CUL4A: variants seen among roughly 807,000 people sequenced by gnomAD.
CUL4A encodes cullin 4A.
In CUL4A, 16 loss-of-function variants were observed where a neutral mutation model predicts 95.5. The ratio of observed to expected loss-of-function variants is 0.17; its 90% confidence interval spans 0.11 to 0.25. CUL4A has a LOEUF of 0.25. CUL4A is among the 10% of genes least tolerant of loss of function. The pLI is 1.00. For synonymous variants in CUL4A, 380 were observed against 353.1 expected (o/e 1.08, Z -0.85); for missense variants, 610 against 937.0 (o/e 0.65, Z 4.56).
chr13:113,219,526 G>T, intron 3 of CUL4A: 1 of 155,230 alleles, frequency 6.4e-6, no homozygotes, highest in Non-Finnish European at 1.4e-5. Flanking sequence ...AGCACGGGCA[G>T]GCAGTTGGCG....
At chr13:113,226,807 G>A (rs1485502497) in intron 3 of CUL4A, among the ~76,000 whole-genome samples, 1 of 152,168 alleles carries the variant, frequency 6.6e-6, no homozygotes, top group Non-Finnish European at 1.5e-5. Context: ...GATTACTTAA[G>A]ACCACGTGTT....
Position 113,227,992 on chromosome 13 carries a change from G to C in CUL4A, c.385G>C (p.Val129Leu), listed in dbSNP as rs1285908061. ...GATCTGTACAGACTCACTAGATAGT[G>C]TTTTATTTTTAAAGAAGATTAACAC... Reference protein sequence around the residue: ...LPFREDSLDSVLFLKKINTCW... With the variant: ...LPFREDSLDSLLFLKKINTCW... The change falls in exon 4 of 20, where the codon GTT (valine) becomes CTT (leucine). Residue 129 changes from valine to leucine, a missense_variant. Val to Leu is a conservative substitution (Grantham distance 32). Coordinates refer to ENST00000375440, the MANE Select transcript of CUL4A (RefSeq NM_001008895.4). The C allele has an allele frequency of 6.2e-7, 1 of 1,611,744 alleles. No homozygotes were observed. Among genetic ancestry groups the C allele is most frequent in the Non-Finnish European group, 8.5e-7 (1 of 1,177,862 alleles).
At chr13:113,236,762 C>T (rs2041559177) in intron 8 of CUL4A, 61 bp from the exon 9 acceptor site, 3 of 1,146,348 alleles carry the variant, frequency 2.6e-6, no homozygotes, top group Non-Finnish European at 3.9e-6. Context: ...CCATCTTTTG[C>T]AGAGAACCAG....
intron 18 of CUL4A, among the ~76,000 whole-genome samples, chr13:113,256,073 A>G (rs905486682): frequency 7.9e-5 from 12 of 151,964 alleles, no homozygotes; most frequent in Non-Finnish European, 1.6e-4. Flanking sequence ...AGTGACATGC[A>G]CCCATAGTCT....
chr13:113,245,441 G>T (rs1022109899), intron 14 of CUL4A, among the ~76,000 whole-genome samples: 1 of 152,064 alleles, frequency 6.6e-6, no homozygotes, highest in Non-Finnish European at 1.5e-5. Context: ...CTAGCTACTG[G>T]GGTAGGGCTG....
At chr13:113,236,160 C>T (rs2041537095) in intron 8 of CUL4A, among the ~76,000 whole-genome samples, 1 of 151,926 alleles carries the variant, frequency 6.6e-6, no homozygotes, top group Non-Finnish European at 1.5e-5. Flanking sequence ...TGACAGAATC[C>T]AGCACAAAAA....
Position 113,254,762 on chromosome 13 carries a change from T to G in CUL4A, c.1822T>G (p.Phe608Val), listed in dbSNP as rs1405427649. Residue 608 changes from phenylalanine (F) to valine (V), a missense_variant, in exon 17 of 20, where the codon TTC becomes GTC. Physicochemically the swap from Phe to Val is conservative, Grantham distance 50. Coordinates refer to ENST00000375440, the MANE Select transcript of CUL4A (RefSeq NM_001008895.4). ...VLLMFNEGDG[F>V]SFEEIKMATG... ...CCTCATGTTCAACGAGGGAGATGGC[T>G]TCAGCTTTGAGGAGATAAAAATGGC... The G allele has an allele frequency of 3.1e-6, 5 of 1,613,610 alleles. No homozygotes were observed. The highest frequency in any genetic ancestry group is 4.2e-6 in the Non-Finnish European group (5 of 1,179,876).
intron 2 of CUL4A, among the ~76,000 whole-genome samples, chr13:113,216,736 G>A (rs1488377697): frequency 6.6e-6 from 1 of 152,226 alleles, no homozygotes; most frequent in Non-Finnish European, 1.5e-5. Context: ...GGCAACTCCT[G>A]TGTTGTGCTG....
chr13:113,211,577 G>T (rs2040446932), intron 2 of CUL4A, among the ~76,000 whole-genome samples: 1 of 152,154 alleles, frequency 6.6e-6, no homozygotes, highest in Non-Finnish European at 1.5e-5. Flanking sequence ...TAGAGTCGGG[G>T]TTTCGCCATG....
rs566524752 is a variant in CUL4A at position 113,238,808 on chromosome 13, A to ATGAC, written c.917-622_917-619dup. 2.4e-3 allele frequency among the ~76,000 whole-genome samples: 372 copies of ATGAC among 152,302 alleles called. 3 individuals are homozygous for ATGAC. The highest frequency in any genetic ancestry group is 8.2e-3 in the African/African-American group (341 of 41,552). On this transcript the variant is annotated intron_variant, in intron 9 of 19. Coordinates refer to ENST00000375440, the MANE Select transcript of CUL4A (RefSeq NM_001008895.4). ...CAGAATCTGAGACTTTGTGAATTGTATGACTGTTCACCATTTTATGCTTTA... is the reference window on the plus strand; with the variant it reads ...CAGAATCTGAGACTTTGTGAATTGTATGACTGACTGTTCACCATTTTATGCTTTA...
chr13:113,210,143 C>G, intron 2 of CUL4A, 55 bp downstream of exon 2: 1 of 1,219,902 alleles, frequency 8.2e-7, no homozygotes, highest in Non-Finnish European at 1.1e-6. Context: ...GACGCAGACG[C>G]GGCCGGGCGG....
At chr13:113,249,864 A>G (rs573101907) in intron 15 of CUL4A, among the ~76,000 whole-genome samples, 1 of 152,214 alleles carries the variant, frequency 6.6e-6, no homozygotes, top group South Asian at 2.1e-4. Context: ...GCATCTTTTC[A>G]TGTCCTGATT....
chr13:113,265,047 T>TA lies in CUL4A; in HGVS notation c.*1466dup, dbSNP rs1307786141. ...AAATTAGTTTAATTGGCCTTAAAATTACATTAATAAAACTTTGTGATATGC... is the reference window on the plus strand; with the variant it reads ...AAATTAGTTTAATTGGCCTTAAAATTAACATTAATAAAACTTTGTGATATGC... On this transcript the variant is annotated 3_prime_UTR_variant, in exon 20 of 20. Transcript: ENST00000375440. 1 of 152,244 alleles carries TA rather than the reference T, an allele frequency of 6.6e-6. No individual in the cohort carries two copies. The highest frequency in any genetic ancestry group is 1.5e-5 in the Non-Finnish European group (1 of 68,040). The allele number at this position is 152,244 out of a possible 1,614,324, so 9.4% of individuals were successfully genotyped here. A position where few individuals can be genotyped will look rare whatever the true frequency, so the allele number is the denominator to read the frequency against.
intron 18 of CUL4A, among the ~76,000 whole-genome samples, chr13:113,260,293 GT>G (rs2042242593): frequency 6.7e-6 from 1 of 150,358 alleles, no homozygotes; most frequent in African/African-American, 2.4e-5. Flanking sequence ...GCTCACACCT[GT>G]AATCCCAGCA....
At chr13:113,232,079 C>CGCCCACCACTATTACTGTCACCACTACCT (rs2041345958) in intron 5 of CUL4A, among the ~76,000 whole-genome samples, 1 of 20,038 alleles carries the variant, frequency 5.0e-5, no homozygotes, top group Non-Finnish European at 1.8e-4. Context: ...CACCACTACC[C>CGCCCACCACTATTACTGTCACCACTACCT]GCCCACCACC....
At chr13:113,223,446 T>A (rs2316440) in intron 3 of CUL4A, among the ~76,000 whole-genome samples, 147,885 of 152,268 alleles carry the variant, frequency 0.97, 71,941 homozygotes, top group East Asian at 1. Flanking sequence ...CCCAGGCTAG[T>A]GTGCAATGGC....
chr13:113,261,727 C>A (rs1481744050), intron 19 of CUL4A, among the ~76,000 whole-genome samples: 1 of 151,868 alleles, frequency 6.6e-6, no homozygotes, highest in Non-Finnish European at 1.5e-5. Flanking sequence ...GGCGCCCACT[C>A]TGCTCTCAGG....
At chr13:113,258,284 C>A (rs192856155) in intron 18 of CUL4A, among the ~76,000 whole-genome samples, 1 of 152,170 alleles carries the variant, frequency 6.6e-6, no homozygotes, top group East Asian at 1.9e-4. Context: ...AGCCACCGTG[C>A]CCGGCACCAG....
chr13:113,210,261 C>A (rs1484983517), intron 2 of CUL4A, among the ~76,000 whole-genome samples, 173 bp downstream of exon 2: 1 of 152,202 alleles, frequency 6.6e-6, no homozygotes, highest in Non-Finnish European at 1.5e-5. Flanking sequence ...TGTTTATTGC[C>A]GTGGTGGAAT....
Sources: gnomAD v4.1 joint callset for allele counts (sites outside exome capture counted in the v4.1 genomes callset) on GRCh38, gnomAD v4.1.1 for gene constraint, MANE v1.5 for transcripts, NCBI Gene and HGNC (gene_info 2026-07-23, HGNC 2026-07-21) for gene names.